The following NRP1 variants were observed in gnomAD, a reference collection of about 807,000 sequenced individuals.
The protein encoded by NRP1 is neuropilin-1.
In NRP1, 35 loss-of-function variants were observed where a neutral mutation model predicts 106.7. The ratio of observed to expected loss-of-function variants is 0.33; its 90% confidence interval spans 0.25 to 0.43. The LOEUF (loss-of-function observed/expected upper bound fraction) is 0.43, where lower values mean the gene tolerates loss of function less well. Among genes scored for constraint, NRP1 ranks in the 20% least tolerant of loss-of-function variants. NRP1 has a pLI of 1.00. For synonymous variants in NRP1, 437 were observed against 417.9 expected (o/e 1.05, Z -0.56); for missense variants, 1,024 against 1,170.4 (o/e 0.87, Z 1.83).
intron 2 of NRP1, among the ~76,000 whole-genome samples, chr10:33,282,803 T>C (rs1449592412): frequency 6.6e-6 from 1 of 152,046 alleles, no homozygotes; most frequent in Non-Finnish European, 1.5e-5. Flanking sequence ...TGGAATGCAG[T>C]GGCACGATCT....
intron 13 of NRP1, among the ~76,000 whole-genome samples, chr10:33,187,390 A>G (rs1836084532): frequency 6.6e-6 from 1 of 151,884 alleles, no homozygotes; most frequent in Non-Finnish European, 1.5e-5. Context: ...TCAAGTTCAG[A>G]TTATTTTTCC....
chr10:33,278,339 C>G (rs546051861), intron 2 of NRP1, among the ~76,000 whole-genome samples: 3 of 152,102 alleles, frequency 2.0e-5, no homozygotes, highest in Non-Finnish European at 4.4e-5. Context: ...AAAATAAGCA[C>G]AAGTTCCAAA....
rs1391890708 is a variant in NRP1, at chr10:33,192,363, G to A, written c.1980C>T (p.Phe660=). The change falls in exon 13 of 17, where the codon TTC becomes TTT. Residue 660 remains phenylalanine (F), a synonymous_variant. Transcript: ENST00000374867. ...CGTGATTGTCATGTTCCCAGTGGCA[G>A]AAGGTCTTGTGAGAGCCCCAGCCAA... ...CEFGWGSHKT[F]CHWEHDNHVQ... The A allele has an allele frequency of 3.1e-6, 5 of 1,613,790 alleles. No individual in the cohort carries two copies. Among genetic ancestry groups the A allele is most frequent in the Non-Finnish European group, 4.2e-6 (5 of 1,179,916 alleles).
intron 2 of NRP1, among the ~76,000 whole-genome samples, chr10:33,279,707 G>A (rs1048850296): frequency 6.6e-6 from 1 of 152,260 alleles, no homozygotes; most frequent in African/African-American, 2.4e-5. Flanking sequence ...GACCCTCTTG[G>A]AATTCTGCCT....
At chr10:33,312,676 A>C (rs1332646996) in intron 2 of NRP1, among the ~76,000 whole-genome samples, 2 of 152,240 alleles carry the variant, frequency 1.3e-5, no homozygotes, top group Non-Finnish European at 2.9e-5. Context: ...GCATCTGAAT[A>C]AGCTCCTTAA....
intron 9 of NRP1, chr10:33,212,585 T>C (rs1838390496): frequency 6.6e-6 from 1 of 152,172 alleles, no homozygotes; most frequent in Non-Finnish European, 1.5e-5. Flanking sequence ...AGAGATTGGT[T>C]GCACAATATA....
At chr10:33,218,842 C>T (rs1268029529) in intron 8 of NRP1, among the ~76,000 whole-genome samples, 3 of 148,178 alleles carry the variant, frequency 2.0e-5, no homozygotes, top group Admixed American at 6.6e-5. Flanking sequence ...TCTCAGAAGG[C>T]GTGCATAAAA....
chr10:33,216,277 C>A (rs1184633411), intron 8 of NRP1, among the ~76,000 whole-genome samples: 2 of 149,680 alleles, frequency 1.3e-5, no homozygotes, highest in Non-Finnish European at 3.0e-5. Flanking sequence ...AGCTAGGACT[C>A]CAGGCGCCTG....
chr10:33,285,509 T>C (rs1844459439), intron 2 of NRP1, among the ~76,000 whole-genome samples: 1 of 152,176 alleles, frequency 6.6e-6, no homozygotes, highest in Admixed American at 6.5e-5. Flanking sequence ...TAATTTAAGA[T>C]TCCTACCACA....
intron 3 of NRP1, among the ~76,000 whole-genome samples, chr10:33,266,587 A>G (rs182459749): frequency 6.6e-6 from 1 of 152,362 alleles, no homozygotes; most frequent in Non-Finnish European, 1.5e-5. Context: ...ACTTTCTCGC[A>G]AAAGGACAAT....
chr10:33,280,489 G>T (rs1244305857), intron 2 of NRP1, among the ~76,000 whole-genome samples: 1 of 151,850 alleles, frequency 6.6e-6, no homozygotes, highest in East Asian at 1.9e-4. Flanking sequence ...CTATTTCATA[G>T]AAAATTTTTA....
At chr10:33,323,240 T>TA (rs1847647149) in intron 2 of NRP1, among the ~76,000 whole-genome samples, 2 of 87,166 alleles carry the variant, frequency 2.3e-5, no homozygotes, top group South Asian at 3.8e-4. Context: ...AATATGTTTT[T>TA]CAAAAAAAAA....
chr10:33,183,466 A>G (rs934023007), intron 15 of NRP1, among the ~76,000 whole-genome samples: 3 of 152,220 alleles, frequency 2.0e-5, no homozygotes, highest in African/African-American at 7.2e-5. Context: ...TAGTTTGTAG[A>G]TAACTGCTTC....
intron 8 of NRP1, among the ~76,000 whole-genome samples, chr10:33,215,384 A>T (rs1838675938): frequency 1.3e-5 from 2 of 152,208 alleles, no homozygotes; most frequent in Non-Finnish European, 2.9e-5. Context: ...TCATGTACCC[A>T]CAGCTAGATT....
intron 2 of NRP1, among the ~76,000 whole-genome samples, chr10:33,310,338 C>G (rs1846508974): frequency 6.6e-6 from 1 of 150,642 alleles, no homozygotes; most frequent in African/African-American, 2.5e-5. Context: ...GCAACCTCCG[C>G]CTCCCAGGTT....
rs139514495 is a variant in NRP1, at chr10:33,194,087, T to C, written c.1925-1669A>G. Among the ~76,000 whole-genome samples, 294 of 152,282 alleles carry C rather than the reference T, an allele frequency of 1.9e-3. 1 individual carries two copies. The highest frequency in any genetic ancestry group is 6.6e-3 in the African/African-American group (274 of 41,564). On this transcript the variant is annotated intron_variant, in intron 12 of 16. Transcript: ENST00000374867. ...TGTCTAGTCTATCATAGCCATGAAATAGGACTTCTTAAGGCATGGGAAACC... is the reference window on the plus strand; with the variant it reads ...TGTCTAGTCTATCATAGCCATGAAACAGGACTTCTTAAGGCATGGGAAACC...
At chr10:33,203,841 C>T (rs1837548357) in intron 10 of NRP1, among the ~76,000 whole-genome samples, 1 of 108,492 alleles carries the variant, frequency 9.2e-6, no homozygotes, top group African/African-American at 3.0e-5. Context: ...CCCGGGTTCA[C>T]GCCATTCTCC....
At chr10:33,206,233 A>G (rs1327844463) in intron 10 of NRP1, 2 of 518,940 alleles carry the variant, frequency 3.9e-6, no homozygotes, top group African/African-American at 1.9e-5. Flanking sequence ...AGATGACCAC[A>G]TTTCTCCGTG....
intron 15 of NRP1, 136 bp from the exon 16 acceptor site, chr10:33,182,884 G>A (rs1331374631): frequency 1.4e-6 from 1 of 707,628 alleles, no homozygotes; most frequent in East Asian, 2.6e-5. Flanking sequence ...GCTCCTTTTG[G>A]ATTTTTTAGT....
Sources: gnomAD v4.1 joint callset for allele counts (sites outside exome capture counted in the v4.1 genomes callset) on GRCh38, gnomAD v4.1.1 for gene constraint, MANE v1.5 for transcripts, NCBI Gene and HGNC (gene_info 2026-07-23, HGNC 2026-07-21) for gene names.